CTNNA3: variants seen among roughly 807,000 people sequenced by gnomAD.
The protein encoded by CTNNA3 is catenin alpha 3.
A neutral mutation model predicts 95.7 loss-of-function variants in CTNNA3; 76 were observed. The observed-to-expected ratio is 0.79, with a 90% CI of 0.66 to 0.96. CTNNA3 has a LOEUF of 0.96. Ranked by LOEUF, CTNNA3 falls within the 40% of genes least tolerant of loss-of-function variation. The pLI is 0.00. For synonymous variants in CTNNA3, 431 were observed against 374.4 expected (o/e 1.15, Z -1.74); for missense variants, 1,191 against 1,089.8 (o/e 1.09, Z -1.31).
chr10:66,931,679 T>C lies in CTNNA3; in HGVS notation c.1048-156155A>G, dbSNP rs184672528. Among the ~76,000 whole-genome samples, 20 of 151,818 alleles carry C rather than the reference T, an allele frequency of 1.3e-4. 1 individual carries two copies. The highest frequency in any genetic ancestry group is 2.4e-4 in the Non-Finnish European group (16 of 68,030). ...TCAGATTTGAATTTTATTTAATTCA[T>C]TTCCTTGGGAAATATAATTATAATG... On this transcript the variant is annotated intron_variant, in intron 7 of 17. Coordinates refer to ENST00000433211, the MANE Select transcript of CTNNA3 (RefSeq NM_013266.4).
intron 2 of CTNNA3, among the ~76,000 whole-genome samples, chr10:67,628,536 A>C (rs7076291): frequency 0.13 from 20,172 of 152,118 alleles, 2,396 homozygotes; most frequent in African/African-American, 0.32. Context: ...ATTTTCCCAA[A>C]GACCCCTGAA....
At chr10:66,127,949 G>A (rs901612085) in intron 13 of CTNNA3, among the ~76,000 whole-genome samples, 8 of 152,120 alleles carry the variant, frequency 5.3e-5, no homozygotes, top group Non-Finnish European at 5.9e-5. Flanking sequence ...GCAGACGCCT[G>A]TAATCCCAGC....
At chr10:67,458,793 G>A (rs1260932590) in intron 5 of CTNNA3, among the ~76,000 whole-genome samples, 3 of 152,118 alleles carry the variant, frequency 2.0e-5, no homozygotes, top group Non-Finnish European at 2.9e-5. Context: ...CAGCATGGAG[G>A]AAACTGCCCC....
At chr10:66,589,915 G>A (rs1843489558) in intron 10 of CTNNA3, among the ~76,000 whole-genome samples, 1 of 151,896 alleles carries the variant, frequency 6.6e-6, no homozygotes, top group African/African-American at 2.4e-5. Context: ...CATAAACGCT[G>A]CCTTAACTGT....
chr10:66,448,856 A>G (rs2093443092), intron 11 of CTNNA3, among the ~76,000 whole-genome samples: 1 of 152,030 alleles, frequency 6.6e-6, no homozygotes, highest in South Asian at 2.1e-4. Flanking sequence ...TAAATAAATA[A>G]ATAAAATTAA....
intron 2 of CTNNA3, among the ~76,000 whole-genome samples, chr10:67,639,422 G>A (rs994700295): frequency 6.6e-5 from 10 of 152,142 alleles, no homozygotes; most frequent in African/African-American, 2.4e-4. Context: ...AATTCTACCA[G>A]AGGTATGAGG....
chr10:67,397,227 A>G (rs1844737492), intron 5 of CTNNA3, among the ~76,000 whole-genome samples: 1 of 152,188 alleles, frequency 6.6e-6, no homozygotes, highest in Non-Finnish European at 1.5e-5. Context: ...CTCAGAAGAC[A>G]GGAAGGTGTG....
At chr10:67,656,425 T>C (rs1241958161) in intron 1 of CTNNA3, among the ~76,000 whole-genome samples, 2 of 152,154 alleles carry the variant, frequency 1.3e-5, no homozygotes, top group African/African-American at 4.8e-5. Flanking sequence ...CCCTAGACTA[T>C]AGGGCATCAT....
chr10:66,518,555 G>A (rs551259313), intron 11 of CTNNA3, among the ~76,000 whole-genome samples: 3 of 152,136 alleles, frequency 2.0e-5, no homozygotes, highest in Admixed American at 1.3e-4. Flanking sequence ...ACAAAAATAT[G>A]CTTAATGTTG....
intron 7 of CTNNA3, among the ~76,000 whole-genome samples, chr10:66,882,489 C>T (rs933195590): frequency 6.6e-6 from 1 of 152,126 alleles, no homozygotes; most frequent in Admixed American, 6.6e-5. Flanking sequence ...ATTGCCAATA[C>T]ACAGTCCAGT....
chr10:66,938,344 A>G (rs749524363), intron 7 of CTNNA3, among the ~76,000 whole-genome samples: 7 of 152,280 alleles, frequency 4.6e-5, no homozygotes, highest in Non-Finnish European at 1.0e-4. Flanking sequence ...TACTAATAGC[A>G]TATTGTTGAC....
At chr10:67,292,995 T>C (rs1296780681) in intron 5 of CTNNA3, among the ~76,000 whole-genome samples, 2 of 151,990 alleles carry the variant, frequency 1.3e-5, no homozygotes, top group African/African-American at 2.4e-5. Flanking sequence ...GTTTAGGATA[T>C]TGAATCATAT....
intron 3 of CTNNA3, among the ~76,000 whole-genome samples, chr10:67,556,377 C>T (rs1317547027): frequency 6.6e-6 from 1 of 152,138 alleles, no homozygotes; most frequent in Non-Finnish European, 1.5e-5. Flanking sequence ...GTGAATCCAT[C>T]TGGTCCTGGA....
chr10:67,296,653 G>C (rs911509887), intron 5 of CTNNA3, among the ~76,000 whole-genome samples: 1 of 151,900 alleles, frequency 6.6e-6, no homozygotes, highest in Admixed American at 6.6e-5. Flanking sequence ...TCAGTGCTGG[G>C]CCGGGCGTGG....
At chr10:66,760,646 A>G (rs1423620202) in intron 9 of CTNNA3, among the ~76,000 whole-genome samples, 1 of 152,178 alleles carries the variant, frequency 6.6e-6, no homozygotes, top group Non-Finnish European at 1.5e-5. Context: ...TTTTCTATAA[A>G]TGAATCATTA....
chr10:65,960,386 G>A (rs915291169), intron 17 of CTNNA3, among the ~76,000 whole-genome samples: 120 of 152,164 alleles, frequency 7.9e-4, no homozygotes, highest in African/African-American at 2.5e-3. Context: ...TTAGCCAGGC[G>A]CCGTGGGGGG....
chr10:66,924,604 G>A (rs1271239104), intron 7 of CTNNA3, among the ~76,000 whole-genome samples: 5 of 152,146 alleles, frequency 3.3e-5, no homozygotes, highest in Admixed American at 6.5e-5. Context: ...AATCCACCAT[G>A]TACAATATTT....
At chr10:67,451,293 G>T (rs575562179) in intron 5 of CTNNA3, among the ~76,000 whole-genome samples, 4 of 152,032 alleles carry the variant, frequency 2.6e-5, no homozygotes, top group African/African-American at 9.6e-5. Flanking sequence ...AAATTACGCA[G>T]TCTGTGGTAT....
At chr10:66,672,474 G>A (rs1006089586) in intron 9 of CTNNA3, among the ~76,000 whole-genome samples, 1 of 152,024 alleles carries the variant, frequency 6.6e-6, no homozygotes, top group Admixed American at 6.6e-5. Flanking sequence ...AGATGAAAAT[G>A]GTATCATGAG....
Sources: allele counts gnomAD v4.1 joint callset (sites outside exome capture counted in the v4.1 genomes callset), GRCh38; gene constraint gnomAD v4.1.1; transcripts MANE v1.5; gene names NCBI Gene and HGNC (gene_info 2026-07-23, HGNC 2026-07-21).